The following RPS6KA2 variants were observed in gnomAD, a reference collection of about 807,000 sequenced individuals.
RPS6KA2 encodes ribosomal protein S6 kinase A2.
In RPS6KA2, 42 loss-of-function variants were observed where a neutral mutation model predicts 91.8. The ratio of observed to expected loss-of-function variants is 0.46; its 90% CI spans 0.36 to 0.59. The LOEUF is 0.59. RPS6KA2 is among the 20% of genes least tolerant of loss of function. RPS6KA2 has a pLI of 0.00. For missense variants in RPS6KA2, 798 were observed against 978.5 expected, an observed-to-expected ratio of 0.82 and a Z score of 2.46; for synonymous variants, 414 against 393.6, an observed-to-expected ratio of 1.05 and a Z score of -0.61.
At chr6:166,673,756 C>G (rs763888054) in intron 2 of RPS6KA2, among the ~76,000 whole-genome samples, 2 of 152,202 alleles carry the variant, frequency 1.3e-5, no homozygotes, top group Non-Finnish European at 2.9e-5. Flanking sequence ...AGCTCATCAG[C>G]TATTGTTAGT....
chr6:166,499,015 A>G (rs2235274), intron 7 of RPS6KA2, among the ~76,000 whole-genome samples: 82,319 of 151,974 alleles, frequency 0.54, 24,915 homozygotes, highest in African/African-American at 0.82. Context: ...CTGGGGTGGA[A>G]GGCAGGTGTG....
chr6:166,511,116 CCT>C, intron 3 of RPS6KA2, among the ~76,000 whole-genome samples: 1 of 152,218 alleles, frequency 6.6e-6, no homozygotes, highest in African/African-American at 2.4e-5. Flanking sequence ...CTGGGCTCAC[CCT>C]CTCTGTGTGA....
rs1175778826 is a variant in RPS6KA2, at chr6:166,733,403, T to C, written c.123+124797A>G. On this transcript the variant is annotated intron_variant, in intron 2 of 21. Transcript: ENST00000503859. The surrounding 1 kb of genome is among the most constrained non-coding windows in gnomAD (Gnocchi z 4.1). ...TTAATTGGAATGTTCTTTTGCATTG[T>C]CGTCCAGGAAATTTAGAGGCCAACG... Among the ~76,000 whole-genome samples, 1 of 152,190 alleles carries C rather than the reference T, an allele frequency of 6.6e-6. No homozygotes were observed. Among genetic ancestry groups the C allele is most frequent in the African/African-American group, 2.4e-5 (1 of 41,450 alleles).
chr6:166,722,043 A>C (rs1310628868), intron 2 of RPS6KA2, among the ~76,000 whole-genome samples: 1 of 152,258 alleles, frequency 6.6e-6, no homozygotes, highest in African/African-American at 2.4e-5. Context: ...TAAATACAGT[A>C]GGAAAATATA....
chr6:166,690,017 G>A (rs758357794), intron 2 of RPS6KA2, among the ~76,000 whole-genome samples: 2 of 152,206 alleles, frequency 1.3e-5, no homozygotes, highest in African/African-American at 2.4e-5. Context: ...AGAGCTGCAC[G>A]GTCCCGCAAT....
chr6:166,416,194 C>A (rs1345912537), intron 19 of RPS6KA2, among the ~76,000 whole-genome samples: 1 of 151,446 alleles, frequency 6.6e-6, no homozygotes, highest in Admixed American at 6.5e-5. Flanking sequence ...CATCCTTTCT[C>A]CATCAACCCT....
chr6:166,508,579 A>C lies in RPS6KA2; in HGVS notation c.380-297T>G, dbSNP rs1782350324. Among the ~76,000 whole-genome samples the C allele has an allele frequency of 1.3e-5, 2 of 152,054 alleles. No homozygotes were observed. Among genetic ancestry groups the C allele is most frequent in the African/African-American group, 4.8e-5 (2 of 41,370 alleles). ...CAAAGGAATTGAAAGATACACGGGGAGAAAGATGTGAATATTTAAGCTGGT... is the reference window on the plus strand; with the variant it reads ...CAAAGGAATTGAAAGATACACGGGGCGAAAGATGTGAATATTTAAGCTGGT... On this transcript the variant is annotated intron_variant, in intron 4 of 20. Transcript: ENST00000265678. The surrounding 1 kb of genome is among the most constrained non-coding windows in gnomAD (Gnocchi z 4.3).
At chr6:166,568,855 AC>A (rs1009943866) in intron 1 of RPS6KA2, among the ~76,000 whole-genome samples, 25 of 152,128 alleles carry the variant, frequency 1.6e-4, no homozygotes, top group African/African-American at 5.3e-4. Flanking sequence ...CATGCAAATC[AC>A]AAGTGCGTTT....
chr6:166,522,811 A>T (rs1782905479), intron 3 of RPS6KA2, among the ~76,000 whole-genome samples: 1 of 152,210 alleles, frequency 6.6e-6, no homozygotes. Context: ...TTTTACAGTG[A>T]ATTACTCCAC....
intron 1 of RPS6KA2, among the ~76,000 whole-genome samples, chr6:166,567,619 G>A (rs745779676): frequency 2.0e-5 from 3 of 152,152 alleles, no homozygotes; most frequent in African/African-American, 4.8e-5. Context: ...GTAGTAAATC[G>A]GCAGCGGACT....
At chr6:166,783,757 C>A (rs1778836421) in intron 2 of RPS6KA2, among the ~76,000 whole-genome samples, 1 of 146,084 alleles carries the variant, frequency 6.8e-6, no homozygotes, top group African/African-American at 2.7e-5. Flanking sequence ...TCTAAAACCA[C>A]ATATACACAT....
intron 2 of RPS6KA2, among the ~76,000 whole-genome samples, chr6:166,791,528 A>G (rs566212207): frequency 1.3e-4 from 20 of 152,378 alleles, no homozygotes; most frequent in Middle Eastern, 3.4e-3. Context: ...ATAGACATCT[A>G]CAGAACTCTC....
At chr6:166,681,686 G>GC (rs1788813478) in intron 2 of RPS6KA2, among the ~76,000 whole-genome samples, 2 of 11,626 alleles carry the variant, frequency 1.7e-4, no homozygotes, top group African/African-American at 9.3e-4. Flanking sequence ...ATCTCCCCCT[G>GC]CCCGCCCCCC....
intron 12 of RPS6KA2, among the ~76,000 whole-genome samples, chr6:166,453,201 A>ACACAAT (rs1779972654): frequency 1.5e-5 from 2 of 133,876 alleles, no homozygotes; most frequent in African/African-American, 6.3e-5. Context: ...ACTCCATCAC[A>ACACAAT]CACACACACA....
Position 166,457,923 on chromosome 6 carries a change from C to T in RPS6KA2, c.1075+1526G>A, listed in dbSNP as rs568204263. Among the ~76,000 whole-genome samples, 35 of 152,294 alleles carry T rather than the reference C, an allele frequency of 2.3e-4. No individual in the cohort carries two copies. In the South Asian group the frequency reaches 6.0e-3, roughly 26 times the overall value. Reference sequence around the variant, plus strand: ...AAGAAAATTTCAGATTCAAAAGCAGCGAGAAAAAATACAGTGAATCCCCGT... The same window carrying T: ...AAGAAAATTTCAGATTCAAAAGCAGTGAGAAAAAATACAGTGAATCCCCGT... On this transcript the variant is annotated intron_variant, in intron 12 of 20. Transcript: ENST00000265678.
At chr6:166,488,782 C>T (rs746493102) in intron 10 of RPS6KA2, 51 bp downstream of exon 10, 75 of 1,436,526 alleles carry the variant, frequency 5.2e-5, no homozygotes, top group Middle Eastern at 2.4e-4. Context: ...CTGTAGCTTG[C>T]GGGGCAGCGC....
intron 2 of RPS6KA2, among the ~76,000 whole-genome samples, chr6:166,659,386 C>T (rs916796625): frequency 2.6e-5 from 4 of 151,892 alleles, no homozygotes; most frequent in Non-Finnish European, 5.9e-5. Flanking sequence ...GAGGGGTGGC[C>T]GGGGAGGGGA....
chr6:166,454,936 A>G (rs551011591), intron 12 of RPS6KA2, among the ~76,000 whole-genome samples: 1 of 150,542 alleles, frequency 6.6e-6, no homozygotes, highest in East Asian at 1.9e-4. Context: ...AATACATTAT[A>G]TAATATGTAA....
chr6:166,490,817 G>A lies in RPS6KA2; in HGVS notation c.748-76C>T. ...CTTCACGGCAGAGTACCCCAGCAGG[G>A]CAGCCTGCTACCGTGTCCATTTCCT... On this transcript the variant is annotated intron_variant, in intron 8 of 20. Transcript: ENST00000265678. The surrounding 1 kb of genome is among the most constrained non-coding windows in gnomAD (Gnocchi z 4.2). The A allele has an allele frequency of 1.9e-6, 2 of 1,076,962 alleles. No individual in the cohort carries two copies. Among genetic ancestry groups the A allele is most frequent in the Non-Finnish European group, 2.8e-6 (2 of 712,802 alleles). 66.7% of individuals were successfully genotyped at this position (1,076,962 alleles called of 1,614,324 possible). A position where few individuals can be genotyped will look rare whatever the true frequency, so the allele number is the denominator to read the frequency against.
Sources: allele counts gnomAD v4.1 joint callset (sites outside exome capture counted in the v4.1 genomes callset), GRCh38; gene constraint gnomAD v4.1.1; non-coding constraint Gnocchi (gnomAD v3.1); transcripts MANE v1.5; gene names NCBI Gene and HGNC (gene_info 2026-07-23, HGNC 2026-07-21).